CEP162: variants seen among roughly 807,000 people sequenced by gnomAD.
CEP162 encodes centrosomal protein of 162 kDa.
CEP162 carries 141 observed loss-of-function variants against 169.2 expected under a neutral mutation model. That is an observed-to-expected ratio of 0.83 (90% confidence interval 0.73 to 0.96). The LOEUF (loss-of-function observed/expected upper bound fraction) is 0.96, where lower values mean the gene tolerates loss of function less well. CEP162 is among the 40% of genes least tolerant of loss of function. The probability of loss-of-function intolerance (pLI) is 0.00; values close to 1 mark genes in which losing one functional copy is unlikely to be tolerated. For synonymous variants in CEP162, 540 were observed against 526.4 expected (o/e 1.03, Z -0.35); for missense variants, 1,600 against 1,587.2 (o/e 1.01, Z -0.14).
At chr6:84,125,376 A>G (rs538131656) in intron 26 of CEP162, 100 bp from the exon 27 acceptor site, 2 of 940,134 alleles carry the variant, frequency 2.1e-6, no homozygotes, top group East Asian at 2.5e-5. Context: ...TTCTTTGGGG[A>G]ACTCAGGTAA....
At chr6:84,216,524 G>T (rs1010083246) in intron 3 of CEP162, among the ~76,000 whole-genome samples, 1 of 152,082 alleles carries the variant, frequency 6.6e-6, no homozygotes, top group Non-Finnish European at 1.5e-5. Flanking sequence ...ATACTGTTGG[G>T]GACGGGAGGG....
At chr6:84,149,284 CTTAT>C (rs2099520236) in intron 24 of CEP162, among the ~76,000 whole-genome samples, 1 of 151,786 alleles carries the variant, frequency 6.6e-6, no homozygotes, top group Non-Finnish European at 1.5e-5. Context: ...AATTTAGAGA[CTTAT>C]TTGAGAAGTA....
intron 25 of CEP162, among the ~76,000 whole-genome samples, chr6:84,134,915 T>TAC (rs1464989596): frequency 2.3e-4 from 17 of 74,066 alleles, no homozygotes; most frequent in African/African-American, 6.7e-4. Flanking sequence ...GAAAAGATCA[T>TAC]ATATACACAC....
intron 18 of CEP162, among the ~76,000 whole-genome samples, chr6:84,165,552 T>C (rs1210984641): frequency 2.6e-5 from 4 of 152,168 alleles, no homozygotes; most frequent in Non-Finnish European, 2.9e-5. Flanking sequence ...GATTCATGTA[T>C]AGGTAACCTC....
intron 15 of CEP162, 97 bp downstream of exon 15, chr6:84,174,630 T>C (rs1335670698): frequency 7.7e-6 from 5 of 646,256 alleles, no homozygotes; most frequent in Non-Finnish European, 7.7e-6. Flanking sequence ...AAGTCAAACA[T>C]CTCTAGGAAC....
At chr6:84,224,310 A>ATGAAAT (rs2099554879) in intron 2 of CEP162, among the ~76,000 whole-genome samples, 1 of 152,206 alleles carries the variant, frequency 6.6e-6, no homozygotes, top group Non-Finnish European at 1.5e-5. Context: ...TATATAATAC[A>ATGAAAT]ATTTCTATGA....
At chr6:84,135,420 G>A (rs1428282711) in intron 25 of CEP162, among the ~76,000 whole-genome samples, 1 of 151,834 alleles carries the variant, frequency 6.6e-6, no homozygotes, top group East Asian at 1.9e-4. Flanking sequence ...TCAGGTGCTG[G>A]AGTTCAAACA....
At chr6:84,169,528 T>C (rs2099529151) in intron 17 of CEP162, 95 bp from the exon 18 acceptor site, 2 of 704,782 alleles carry the variant, frequency 2.8e-6, no homozygotes, top group African/African-American at 3.6e-5. Context: ...AAAACTAACA[T>C]ACATTGAAAC....
intron 6 of CEP162, among the ~76,000 whole-genome samples, chr6:84,207,083 G>A (rs1469573028): frequency 6.6e-6 from 1 of 152,208 alleles, no homozygotes; most frequent in Non-Finnish European, 1.5e-5. Context: ...AGGTGCTGGA[G>A]AGGATGTGGA....
chr6:84,148,415 G>A (rs1355238822), intron 24 of CEP162, among the ~76,000 whole-genome samples: 1 of 152,048 alleles, frequency 6.6e-6, no homozygotes, highest in Admixed American at 6.6e-5. Flanking sequence ...TGTAATCCCA[G>A]CTACTTGGAA....
At position 84,171,646 on chromosome 6, in the gene CEP162, T is replaced by G; in HGVS notation, c.2239A>C (p.Lys747Gln). 6.4e-7 allele frequency: 1 copy of G among 1,553,522 alleles called. No homozygotes were observed. The highest frequency in any genetic ancestry group is 8.7e-7 in the Non-Finnish European group (1 of 1,151,154). Residue 747 changes from lysine (K) to glutamine (Q), a missense_variant, in exon 17 of 27, where the codon AAG becomes CAG. Coordinates refer to ENST00000403245, the MANE Select transcript of CEP162 (RefSeq NM_014895.4). ...TCACTGAATAAACTTTGGTTTTCCT[T>G]AAACATTCGCTCCTCATTTTTCTTG... ...QNKKNEERMF[K>Q]ENQSLFSEVA...
At chr6:84,128,626 T>C (rs933829286) in intron 25 of CEP162, among the ~76,000 whole-genome samples, 4 of 152,166 alleles carry the variant, frequency 2.6e-5, no homozygotes, top group Non-Finnish European at 5.9e-5. Context: ...ACTACTCTTT[T>C]GGTTGTGATG....
intron 7 of CEP162, among the ~76,000 whole-genome samples, chr6:84,202,510 C>CT (rs2099544947): frequency 7.9e-6 from 1 of 126,514 alleles, no homozygotes; most frequent in Admixed American, 7.9e-5. Context: ...CTTTTCTTTT[C>CT]TTTCTTTCTT....
intron 13 of CEP162, among the ~76,000 whole-genome samples, chr6:84,177,172 C>T (rs2099532753): frequency 6.6e-6 from 1 of 152,132 alleles, no homozygotes; most frequent in Non-Finnish European, 1.5e-5. Flanking sequence ...CAAGACAGTT[C>T]TCACCTCCGC....
intron 23 of CEP162, among the ~76,000 whole-genome samples, chr6:84,151,956 TAA>T (rs1337378794): frequency 6.6e-6 from 1 of 151,998 alleles, no homozygotes; most frequent in Non-Finnish European, 1.5e-5. Flanking sequence ...AAACGGGTGC[TAA>T]AAGACAGGAT....
At chr6:84,158,418 G>A (rs1331994384) in intron 21 of CEP162, among the ~76,000 whole-genome samples, 2 of 152,158 alleles carry the variant, frequency 1.3e-5, no homozygotes, top group East Asian at 3.8e-4. Context: ...GTGAGGGCTT[G>A]GTAAGTGTTG....
chr6:84,151,323 G>A (rs2099521015), intron 23 of CEP162, among the ~76,000 whole-genome samples: 1 of 151,988 alleles, frequency 6.6e-6, no homozygotes, highest in South Asian at 2.1e-4. Flanking sequence ...TATAATGGCA[G>A]CACTGGTTTA....
In CEP162 at chr6:84,183,117, T is replaced by C. The variant is rs188869873; in HGVS notation, c.1663+2070A>G. Among the ~76,000 whole-genome samples the C allele has an allele frequency of 3.5e-3, 535 of 152,312 alleles. 1 individual carries two copies. Among genetic ancestry groups the C allele is most frequent in the Middle Eastern group, 6.8e-3 (2 of 294 alleles). ...TAGTTCAGTTTAAAAACATTTATGG[T>C]CCATCATTATACTTTACTATAAATT... is the stretch of plus-strand genomic sequence containing the variant. On this transcript the variant is annotated intron_variant, in intron 13 of 26. Transcript: ENST00000403245.
chr6:84,148,227 T>C (rs1289459718), intron 24 of CEP162, among the ~76,000 whole-genome samples: 1 of 152,126 alleles, frequency 6.6e-6, no homozygotes, highest in Non-Finnish European at 1.5e-5. Flanking sequence ...TTCTCAGCGA[T>C]CTGAAGTTAA....
Sources: allele counts gnomAD v4.1 joint callset (sites outside exome capture counted in the v4.1 genomes callset), GRCh38; gene constraint gnomAD v4.1.1; transcripts MANE v1.5; gene names NCBI Gene and HGNC (gene_info 2026-07-23, HGNC 2026-07-21).